The following SPMIP4 variants were observed in gnomAD, a reference collection of about 807,000 sequenced individuals.
The protein encoded by SPMIP4 is sperm-associated microtubule inner protein 4.
At chr7:25,132,062 AAACAGATCTCCCATACACAGGG>A in the SPMIP4 span, among the ~76,000 whole-genome samples, 1 of 152,214 alleles carries the variant, frequency 6.6e-6, no homozygotes, top group African/African-American at 2.4e-5. This position sits in a 1 kb window ranked among gnomAD's most constrained non-coding sequence, Gnocchi z 5.0. Context: ...AATAGAGTGA[AAACAGATCTCCCATACACAGGG>A]AGGGGACCCA....
chr7:25,163,681 C>T, the SPMIP4 span, among the ~76,000 whole-genome samples: 1 of 152,192 alleles, frequency 6.6e-6, no homozygotes, highest in African/African-American at 2.4e-5. The surrounding 1 kb of genome is among the most constrained non-coding windows in gnomAD (Gnocchi z 4.4). Context: ...AGTGACCAAT[C>T]ATAAGCACTT....
the SPMIP4 span, among the ~76,000 whole-genome samples, chr7:25,166,573 C>T: frequency 6.7e-6 from 1 of 148,704 alleles, no homozygotes; most frequent in African/African-American, 2.5e-5. Context: ...GGCAACACAG[C>T]AAGACTCTGT....
chr7:25,167,098 T>C, the SPMIP4 span, among the ~76,000 whole-genome samples: 3 of 152,244 alleles, frequency 2.0e-5, no homozygotes, highest in African/African-American at 7.2e-5. Flanking sequence ...GTATTGTGCA[T>C]TTTTTAATAA....
At chr7:25,155,153 G>A in the SPMIP4 span, 1 of 1,585,208 alleles carries the variant, frequency 6.3e-7, no homozygotes, top group Non-Finnish European at 8.6e-7. Flanking sequence ...AGATGTGTGT[G>A]TGGTAGGGGT....
chr7:25,130,143 G>A, the SPMIP4 span, among the ~76,000 whole-genome samples: 1 of 151,858 alleles, frequency 6.6e-6, no homozygotes, highest in Non-Finnish European at 1.5e-5. Context: ...GGAGGCTGAG[G>A]CAGGAGAATC....
chr7:25,129,785 T>C, the SPMIP4 span, among the ~76,000 whole-genome samples: 1 of 151,986 alleles, frequency 6.6e-6, no homozygotes, highest in Non-Finnish European at 1.5e-5. Flanking sequence ...AACAGCCCAA[T>C]GGGTTCTTCT....
the SPMIP4 span, chr7:25,135,320 G>A: frequency 1.0e-6 from 1 of 985,242 alleles, no homozygotes; most frequent in African/African-American, 1.7e-5. Context: ...CAATCAGAAG[G>A]TTAAGGGTAA....
chr7:25,167,763 T>C, the SPMIP4 span, among the ~76,000 whole-genome samples: 1 of 152,218 alleles, frequency 6.6e-6, no homozygotes, highest in Admixed American at 6.5e-5. Context: ...TCTGAGTAAA[T>C]CCTTAGGAAA....
At chr7:25,160,261 A>C in the SPMIP4 span, among the ~76,000 whole-genome samples, 25 of 152,240 alleles carry the variant, frequency 1.6e-4, no homozygotes, top group Non-Finnish European at 1.5e-5. Context: ...AAGAAGTGAT[A>C]GTTCCATTAT....
chr7:25,142,212 A>G, the SPMIP4 span: 6 of 1,547,414 alleles, frequency 3.9e-6, no homozygotes, highest in Non-Finnish European at 5.4e-6. Context: ...CTCCCCCAAA[A>G]TAACTGAGAG....
At chr7:25,152,988 C>T in the SPMIP4 span, among the ~76,000 whole-genome samples, 174 of 152,064 alleles carry the variant, frequency 1.1e-3, no homozygotes, top group Non-Finnish European at 1.8e-3. Context: ...AAGTGATCTG[C>T]CCACTTTGGC....
At chr7:25,180,323 C>G in the SPMIP4 span, 1 of 152,372 alleles carries the variant, frequency 6.6e-6, no homozygotes, top group Non-Finnish European at 1.5e-5. Flanking sequence ...GAACGGAGTG[C>G]GAGGCGCCGG....
At chr7:25,139,540 A>C in the SPMIP4 span, among the ~76,000 whole-genome samples, 1 of 152,204 alleles carries the variant, frequency 6.6e-6, no homozygotes, top group Non-Finnish European at 1.5e-5. Flanking sequence ...GTGAGAAAAT[A>C]ATCACTGTAG....
the SPMIP4 span, among the ~76,000 whole-genome samples, chr7:25,163,283 T>C: frequency 1.3e-5 from 2 of 152,320 alleles, no homozygotes; most frequent in Non-Finnish European, 1.5e-5. This position sits in a 1 kb window ranked among gnomAD's most constrained non-coding sequence, Gnocchi z 4.4. Flanking sequence ...ACTGGATACA[T>C]AGTATTAGGC....
chr7:25,145,031 C>T, the SPMIP4 span, among the ~76,000 whole-genome samples: 5 of 150,258 alleles, frequency 3.3e-5, no homozygotes, highest in Admixed American at 6.6e-5. Context: ...GGTGCGATCT[C>T]GGCTCACTAC....
At chr7:25,136,863 C>A in the SPMIP4 span, 1 of 1,464,702 alleles carries the variant, frequency 6.8e-7, no homozygotes, top group South Asian at 1.3e-5. This position sits in a 1 kb window ranked among gnomAD's most constrained non-coding sequence, Gnocchi z 5.7. Flanking sequence ...GGTCAAAAGT[C>A]ATACCCATTT....
the SPMIP4 span, among the ~76,000 whole-genome samples, chr7:25,137,370 T>C: frequency 1.3e-5 from 2 of 151,926 alleles, no homozygotes; most frequent in East Asian, 3.9e-4. Flanking sequence ...TCTTATGGTT[T>C]TGGCAGGTTT....
At chr7:25,178,263 G>T in the SPMIP4 span, among the ~76,000 whole-genome samples, 1 of 152,144 alleles carries the variant, frequency 6.6e-6, no homozygotes, top group African/African-American at 2.4e-5. Context: ...GTGCTGTGAT[G>T]AACATACTTG....
At chr7:25,154,061 A>T in the SPMIP4 span, among the ~76,000 whole-genome samples, 2 of 152,228 alleles carry the variant, frequency 1.3e-5, no homozygotes, top group African/African-American at 4.8e-5. Flanking sequence ...TCTCCCATGG[A>T]CCGCAGGTGA....
Sources: gnomAD v4.1 joint callset for allele counts (sites outside exome capture counted in the v4.1 genomes callset) on GRCh38, gnomAD v4.1.1 for gene constraint, Gnocchi (gnomAD v3.1) non-coding constraint, MANE v1.5 for transcripts, NCBI Gene and HGNC (gene_info 2026-07-23, HGNC 2026-07-21) for gene names.